TENM2: variants seen among roughly 807,000 people sequenced by gnomAD.
TENM2 encodes teneurin transmembrane protein 2.
Under a neutral mutation model 245.2 loss-of-function variants are expected in TENM2, and 52 were observed. The observed-to-expected ratio is 0.21, with a 90% confidence interval of 0.17 to 0.27. The LOEUF (loss-of-function observed/expected upper bound fraction) is 0.27, where lower values mean the gene tolerates loss of function less well. Ranked by LOEUF, TENM2 falls within the 10% of genes least tolerant of loss-of-function variation. The pLI is 1.00. For synonymous variants in TENM2, 1,363 were observed against 1,438.9 expected, an observed-to-expected ratio of 0.95 and a Z score of 1.19; for missense variants, 3,046 against 3,666.8, an observed-to-expected ratio of 0.83 and a Z score of 4.37.
At chr5:167,369,031 A>G (rs866976649) in intron 1 of TENM2, among the ~76,000 whole-genome samples, 1 of 143,508 alleles carries the variant, frequency 7.0e-6, no homozygotes, top group African/African-American at 2.4e-5. Flanking sequence ...TGTGTTTGTA[A>G]AAGTGTAGGG....
chr5:167,784,619 A>G (rs1764437948), intron 2 of TENM2, among the ~76,000 whole-genome samples: 1 of 152,210 alleles, frequency 6.6e-6, no homozygotes, highest in South Asian at 2.1e-4. Context: ...CTTCTCCAGG[A>G]TAATGAGTTA....
intron 2 of TENM2, among the ~76,000 whole-genome samples, chr5:167,554,036 C>T (rs895651161): frequency 6.6e-6 from 1 of 152,160 alleles, no homozygotes; most frequent in Non-Finnish European, 1.5e-5. Flanking sequence ...GGGCTTGATT[C>T]TCATGGGAAG....
chr5:167,874,006 G>C lies in TENM2; in HGVS notation c.503-1980G>C, dbSNP rs148186628. ...TCAAAGGGTAATGGGCCAGTGGTTT[G>C]ATGCCTCTGCTGCTGTTCATCCTGT... On this transcript the variant is annotated intron_variant, in intron 2 of 28. Coordinates refer to ENST00000518659, the Ensembl canonical transcript of TENM2. Among the ~76,000 whole-genome samples, 677 of 152,196 alleles carry C rather than the reference G, an allele frequency of 4.4e-3. 8 individuals are homozygous for C. The highest frequency in any genetic ancestry group is 0.015 in the African/African-American group (638 of 41,548).
intron 2 of TENM2, among the ~76,000 whole-genome samples, chr5:167,814,453 C>CAAAA (rs11324953): frequency 1.2e-5 from 1 of 83,938 alleles, no homozygotes; most frequent in Non-Finnish European, 2.4e-5. Context: ...CACTCCGATT[C>CAAAA]AAAAAAAAAA....
chr5:168,021,964 A>G (rs888787306), intron 5 of TENM2, among the ~76,000 whole-genome samples: 10 of 152,310 alleles, frequency 6.6e-5, no homozygotes, highest in African/African-American at 2.4e-4. Context: ...AAACAATCCT[A>G]CATCACAAGA....
chr5:167,632,671 C>T (rs1197327331), intron 2 of TENM2, among the ~76,000 whole-genome samples: 2 of 151,874 alleles, frequency 1.3e-5, no homozygotes, highest in East Asian at 1.9e-4. Context: ...GGAAAATTCA[C>T]GCACACACAC....
chr5:168,010,147 A>G (rs754865885), intron 5 of TENM2, among the ~76,000 whole-genome samples: 2 of 152,198 alleles, frequency 1.3e-5, no homozygotes, highest in Non-Finnish European at 2.9e-5. Flanking sequence ...CAACATACAT[A>G]TGGGGAGTTA....
the TENM2 span, among the ~76,000 whole-genome samples, chr5:167,129,503 T>C: frequency 2.6e-5 from 4 of 152,158 alleles, no homozygotes; most frequent in Non-Finnish European, 4.4e-5. Context: ...ACCCTCCAAA[T>C]TGACCAACTT....
intron 7 of TENM2, among the ~76,000 whole-genome samples, chr5:168,065,562 T>C (rs767548310): frequency 6.6e-6 from 1 of 152,204 alleles, no homozygotes; most frequent in Non-Finnish European, 1.5e-5. Flanking sequence ...TCTATTATAC[T>C]TAGAATTTAT....
intron 2 of TENM2, among the ~76,000 whole-genome samples, chr5:167,867,131 T>C (rs920913179): frequency 9.2e-5 from 14 of 152,184 alleles, no homozygotes; most frequent in African/African-American, 2.9e-4. Flanking sequence ...CCATTGCCTT[T>C]TGGAAAACAG....
At chr5:167,190,486 C>G in the TENM2 span, among the ~76,000 whole-genome samples, 1 of 152,014 alleles carries the variant, frequency 6.6e-6, no homozygotes, top group East Asian at 1.9e-4. Flanking sequence ...TGTTTGGAAC[C>G]TTGAAAACCT....
chr5:167,039,846 GAAA>G, the TENM2 span, among the ~76,000 whole-genome samples: 2 of 151,554 alleles, frequency 1.3e-5, no homozygotes, highest in Non-Finnish European at 2.9e-5. Flanking sequence ...AATGAAGAAA[GAAA>G]AAAAAGCACA....
chr5:167,112,937 CATA>C, the TENM2 span, among the ~76,000 whole-genome samples: 2 of 152,256 alleles, frequency 1.3e-5, no homozygotes, highest in African/African-American at 4.8e-5. Context: ...ATTGGCACAT[CATA>C]ATAAGGGTAA....
the TENM2 span, among the ~76,000 whole-genome samples, chr5:167,089,184 C>T: frequency 1.3e-5 from 2 of 152,102 alleles, no homozygotes; most frequent in African/African-American, 4.8e-5. Flanking sequence ...GGTTCTCAGG[C>T]CAGAGAAGCC....
At chr5:168,090,615 T>C (rs760823088) in exon 8 of TENM2, 45 of 1,613,116 alleles carry the variant, frequency 2.8e-5, no homozygotes, top group Middle Eastern at 3.4e-4. Flanking sequence ...AGAAGTGGAG[T>C]GTGGTTGAGT....
At chr5:166,983,320 A>T in the TENM2 span, among the ~76,000 whole-genome samples, 3 of 152,218 alleles carry the variant, frequency 2.0e-5, no homozygotes, top group Non-Finnish European at 4.4e-5. Flanking sequence ...CTTAATGGGA[A>T]AAAATGAAGC....
chr5:167,976,514 A>T (rs11948431), intron 4 of TENM2, among the ~76,000 whole-genome samples: 22,355 of 152,130 alleles, frequency 0.15, 1,940 homozygotes, highest in East Asian at 0.37. Flanking sequence ...ATATACAAAT[A>T]TACTTGGTGA....
chr5:167,962,544 A>G lies in TENM2; in HGVS notation c.947+9722A>G, dbSNP rs573853305. 2.5e-3 allele frequency among the ~76,000 whole-genome samples: 377 copies of G among 152,320 alleles called. 4 individuals are homozygous for G. The highest frequency in any genetic ancestry group is 8.4e-3 in the African/African-American group (351 of 41,570). On this transcript the variant is annotated intron_variant, in intron 4 of 28. Coordinates refer to ENST00000518659, the Ensembl canonical transcript of TENM2. ...TTCTGTTTTAAATATTATTTGTATT[A>G]GTTTGTTCTCACACTGCTAATAAAG...
At chr5:167,216,900 C>T in the TENM2 span, among the ~76,000 whole-genome samples, 11 of 151,756 alleles carry the variant, frequency 7.2e-5, no homozygotes, top group Non-Finnish European at 1.6e-4. Flanking sequence ...GCACTCTAGC[C>T]TGGGAGACAG....
Sources: allele counts gnomAD v4.1 joint callset (sites outside exome capture counted in the v4.1 genomes callset), GRCh38; gene constraint gnomAD v4.1.1; transcripts MANE v1.5; gene names NCBI Gene and HGNC (gene_info 2026-07-23, HGNC 2026-07-21).